Variants in JPH3 observed in about 807,000 individuals in gnomAD.
JPH3 encodes junctophilin 3, also known as junctophilin-3.
In JPH3, 11 loss-of-function variants were observed where a neutral mutation model predicts 59.6. The observed-to-expected ratio is 0.18, with a 90% CI of 0.12 to 0.31. The LOEUF is 0.31. Among genes scored for constraint, JPH3 ranks in the 10% least tolerant of loss-of-function variants. JPH3 has a pLI of 1.00. For synonymous variants in JPH3, 673 were observed against 483.6 expected (o/e 1.39, Z -5.14); for missense variants, 1,202 against 1,105.7 (o/e 1.09, Z -1.24).
Position 87,644,538 on chromosome 16 carries a change from T to C in JPH3, c.663T>C (p.Ser221=), listed in dbSNP as rs918368. The C allele has an allele frequency of 0.54, 863,274 of 1,612,502 alleles. 234,921 individuals are homozygous for C. The highest frequency in any genetic ancestry group is 0.74 in the East Asian group (33,286 of 44,762). ...KKGLFRRSLL[S]GLKLRKSESK... Reference sequence around the variant, plus strand: ...GGCTGTTTCGGCGCTCGCTGCTGAGTGGGCTGAAGCTGCGCAAGTCGGAGT... The same window carrying C: ...GGCTGTTTCGGCGCTCGCTGCTGAGCGGGCTGAAGCTGCGCAAGTCGGAGT... Residue 221 remains serine (S), a synonymous_variant, in exon 2 of 5, where the codon AGT becomes AGC. Coordinates refer to ENST00000284262, the MANE Select transcript of JPH3 (RefSeq NM_020655.4).
rs117686882 is a variant in JPH3 at position 87,634,914 on chromosome 16, T to C, written c.383-9344T>C. Among the ~76,000 whole-genome samples, 513 of 152,370 alleles carry C rather than the reference T, an allele frequency of 3.4e-3. 1 individual carries two copies. The highest frequency in any genetic ancestry group is 6.3e-3 in the Non-Finnish European group (427 of 68,030). ...TGGGTGACACTGGGGTTATTTTACC[T>C]GTCTCTGCCTCAGTTTCCTTCTTTA... On this transcript the variant is annotated intron_variant, in intron 1 of 4. Coordinates refer to ENST00000284262, the MANE Select transcript of JPH3 (RefSeq NM_020655.4).
chr16:87,616,766 G>A (rs1414631738), intron 1 of JPH3, among the ~76,000 whole-genome samples: 1 of 152,208 alleles, frequency 6.6e-6, no homozygotes, highest in Non-Finnish European at 1.5e-5. Context: ...TTGCCCTTTT[G>A]TAGCCATACC....
chr16:87,684,472 G>A, intron 3 of JPH3: 6 of 687,790 alleles, frequency 8.7e-6, no homozygotes, highest in South Asian at 1.9e-5. Context: ...CAGGACATGT[G>A]TCTTGGCAGG....
chr16:87,617,629 G>T (rs1213767779), intron 1 of JPH3, among the ~76,000 whole-genome samples: 1 of 143,084 alleles, frequency 7.0e-6, no homozygotes, highest in Non-Finnish European at 1.5e-5. Flanking sequence ...GGTCTGGTGG[G>T]GGCTGTGGAG....
chr16:87,695,994 C>A (rs1441391118), intron 4 of JPH3: 1 of 456,064 alleles, frequency 2.2e-6, no homozygotes, highest in Non-Finnish European at 4.4e-6. Flanking sequence ...AAATCCAAGG[C>A]AGCTCGCAAT....
chr16:87,604,302 G>GCTGCTGCTT (rs1194980101), intron 1 of JPH3: 3 of 1,458,236 alleles, frequency 2.1e-6, no homozygotes, highest in Non-Finnish European at 2.7e-6. Flanking sequence ...TGCTGCTGCT[G>GCTGCTGCTT]CTGCTGCTGC....
chr16:87,656,040 A>G (rs539612381), intron 2 of JPH3, among the ~76,000 whole-genome samples: 1 of 152,020 alleles, frequency 6.6e-6, no homozygotes, highest in Admixed American at 6.5e-5. Context: ...CTCTTGGGGG[A>G]TTATTGGCAA....
intron 2 of JPH3, among the ~76,000 whole-genome samples, chr16:87,648,774 G>C (rs1200694484): frequency 6.6e-6 from 1 of 152,210 alleles, no homozygotes; most frequent in Non-Finnish European, 1.5e-5. Flanking sequence ...GATGCGCCCA[G>C]TGTTCGGAGC....
At position 87,644,587 on chromosome 16, in the gene JPH3, C is replaced by G; in HGVS notation, c.712C>G (p.Arg238Gly). The G allele has an allele frequency of 6.2e-7, 1 of 1,612,934 alleles. No individual in the cohort carries two copies. The highest frequency in any genetic ancestry group is 8.5e-7 in the Non-Finnish European group (1 of 1,179,850). Reference protein sequence around the residue: ...SESKSSLASQRSKQSSFRSEA... With the variant: ...SESKSSLASQGSKQSSFRSEA... ...GTCCAAGAGCAGCCTGGCCAGCCAA[C>G]GCAGCAAGCAGAGCTCCTTTCGCAG... is the stretch of plus-strand genomic sequence containing the variant. The change falls in exon 2 of 5, where the codon CGC (arginine) becomes GGC (glycine). Residue 238 changes from arginine (R) to glycine (G), a missense_variant. Coordinates refer to ENST00000284262, the MANE Select transcript of JPH3 (RefSeq NM_020655.4).
Position 87,645,010 on chromosome 16 carries a change from C to G in JPH3, c.1135C>G (p.Gln379Glu), listed in dbSNP as rs779032493. 3.1e-6 allele frequency: 5 copies of G among 1,605,282 alleles called. No individual in the cohort carries two copies. Among genetic ancestry groups the G allele is most frequent in the Non-Finnish European group, 4.2e-6 (5 of 1,179,230 alleles). Residue 379 changes from glutamine (Q) to glutamate (E), a missense_variant, in exon 2 of 5, where the codon CAG becomes GAG. Transcript: ENST00000284262. ...AAERAATIAK[Q>E]KAEIAASRTS... ...TGAGCGGGCCGCCACCATCGCCAAG[C>G]AGAAGGCTGAGATCGCGGCTTCCAG... is the stretch of plus-strand genomic sequence containing the variant.
intron 2 of JPH3, among the ~76,000 whole-genome samples, chr16:87,650,305 C>G (rs1467387858): frequency 1.3e-5 from 2 of 152,216 alleles, no homozygotes; most frequent in Non-Finnish European, 2.9e-5. Context: ...ACACATCGCA[C>G]CCATATAAGA....
intron 1 of JPH3, among the ~76,000 whole-genome samples, chr16:87,608,034 G>A (rs1266856545): frequency 2.0e-5 from 3 of 152,286 alleles, no homozygotes; most frequent in Non-Finnish European, 2.9e-5. Flanking sequence ...CCGTGAGGCC[G>A]TTTGATGGGC....
chr16:87,621,649 G>A (rs547154721), intron 1 of JPH3, among the ~76,000 whole-genome samples: 1 of 152,248 alleles, frequency 6.6e-6, no homozygotes. Flanking sequence ...CCAAGCCCCC[G>A]GAAGGCTCCG....
At chr16:87,670,641 G>A (rs570803721) in intron 2 of JPH3, among the ~76,000 whole-genome samples, 24 of 152,378 alleles carry the variant, frequency 1.6e-4, no homozygotes, top group South Asian at 2.1e-4. Flanking sequence ...CACACACTGC[G>A]GATGGGACGC....
At chr16:87,675,983 G>C (rs2033133336) in intron 2 of JPH3, among the ~76,000 whole-genome samples, 1 of 152,262 alleles carries the variant, frequency 6.6e-6, no homozygotes, top group African/African-American at 2.4e-5. Flanking sequence ...TCAGCTGTTG[G>C]CAGGAGCTGG....
At chr16:87,641,775 C>A (rs1005175237) in intron 1 of JPH3, among the ~76,000 whole-genome samples, 8 of 152,270 alleles carry the variant, frequency 5.3e-5, no homozygotes, top group African/African-American at 1.9e-4. Context: ...TCTTTGCACG[C>A]CCCTTCTCTG....
At position 87,644,877 on chromosome 16, in the gene JPH3, G is replaced by A; in HGVS notation, c.1002G>A (p.Glu334=). The A allele has an allele frequency of 3.1e-6, 5 of 1,613,480 alleles. No individual in the cohort carries two copies. Among genetic ancestry groups the A allele is most frequent in the Non-Finnish European group, 4.2e-6 (5 of 1,179,922 alleles). The stretch of plus-strand genomic sequence containing the variant: ...TGACCTTCCCGGACGGCACCAAGGA[G>A]GAGGGCAAGTACAAGCAGAACATCC... The part of the protein sequence containing the change: ...GCMTFPDGTK[E]EGKYKQNILV... The change falls in exon 2 of 5, where the codon GAG becomes GAA. Residue 334 remains glutamate (E), a synonymous_variant. Transcript: ENST00000284262.
intron 2 of JPH3, among the ~76,000 whole-genome samples, chr16:87,657,701 G>GT (rs2032552287): frequency 6.6e-6 from 1 of 152,216 alleles, no homozygotes; most frequent in Non-Finnish European, 1.5e-5. Flanking sequence ...TCTCTGGGGT[G>GT]TGACCCTAGC....
intron 4 of JPH3, among the ~76,000 whole-genome samples, chr16:87,693,044 C>T (rs951798875): frequency 1.3e-5 from 2 of 152,254 alleles, no homozygotes; most frequent in Non-Finnish European, 2.9e-5. Context: ...TGCAGGCTGG[C>T]CCGGCCCAAC....
Sources: allele counts gnomAD v4.1 joint callset (sites outside exome capture counted in the v4.1 genomes callset), GRCh38; gene constraint gnomAD v4.1.1; transcripts MANE v1.5; gene names NCBI Gene and HGNC (gene_info 2026-07-23, HGNC 2026-07-21).